KAZN: variants seen among roughly 807,000 people sequenced by gnomAD.
KAZN encodes the protein kazrin, periplakin interacting protein.
A neutral mutation model predicts 87.4 loss-of-function variants in KAZN; 40 were observed. That is an observed-to-expected ratio of 0.46 (90% CI 0.36 to 0.60). The LOEUF (loss-of-function observed/expected upper bound fraction) is 0.60. Among genes scored for constraint, KAZN ranks in the 20% least tolerant of loss-of-function variants. The pLI is 0.00. For synonymous variants in KAZN, 466 were observed against 458.3 expected, an observed-to-expected ratio of 1.02 and a Z score of -0.22; for missense variants, 898 against 1,073.9, an observed-to-expected ratio of 0.84 and a Z score of 2.29.
At chr1:13,964,671 C>T (rs575166572) in intron 1 of KAZN, among the ~76,000 whole-genome samples, 1 of 152,284 alleles carries the variant, frequency 6.6e-6, no homozygotes, top group East Asian at 1.9e-4. Context: ...CTTCTTGAGG[C>T]CTCTACTGGG....
intron 1 of KAZN, among the ~76,000 whole-genome samples, chr1:14,164,454 T>TTGTGTGTGTGTGTGTGTGTGTGTGTG (rs59816103): frequency 4.1e-5 from 6 of 144,734 alleles, no homozygotes; most frequent in African/African-American, 1.5e-4. Flanking sequence ...CACTATGGCT[T>TTGTGTGTGTGTGTGTGTGTGTGTGTG]TGTGTGTGTG....
intron 1 of KAZN, among the ~76,000 whole-genome samples, chr1:14,137,496 A>T (rs1159287094): frequency 6.6e-6 from 1 of 152,116 alleles, no homozygotes; most frequent in Non-Finnish European, 1.5e-5. Context: ...CACACTGCTT[A>T]GGCTCAAGTT....
At chr1:14,206,610 TTA>T (rs1399715289) in intron 2 of KAZN, among the ~76,000 whole-genome samples, 1 of 152,134 alleles carries the variant, frequency 6.6e-6, no homozygotes, top group Non-Finnish European at 1.5e-5. Context: ...ATAAAATCTT[TTA>T]GTTTTTATAA....
At chr1:14,654,061 G>A (rs975166721) in intron 1 of KAZN, among the ~76,000 whole-genome samples, 4 of 152,304 alleles carry the variant, frequency 2.6e-5, no homozygotes, top group South Asian at 2.1e-4. Context: ...CAAGGCGGGC[G>A]TATCGCCTGA....
intron 1 of KAZN, among the ~76,000 whole-genome samples, chr1:14,739,990 C>CA (rs1425388422): frequency 6.6e-6 from 1 of 152,108 alleles, no homozygotes; most frequent in Non-Finnish European, 1.5e-5. Context: ...ATTTGCTGAG[C>CA]AGTTGAGAAC....
intron 1 of KAZN, among the ~76,000 whole-genome samples, chr1:14,951,198 C>T (rs1329717833): frequency 6.6e-6 from 1 of 152,102 alleles, no homozygotes; most frequent in Non-Finnish European, 1.5e-5. Flanking sequence ...GTGCTATGCC[C>T]ACACAAGTAC....
intron 1 of KAZN, among the ~76,000 whole-genome samples, chr1:14,758,124 TTC>T (rs79800379): frequency 0.56 from 83,873 of 150,962 alleles, 24,307 homozygotes; most frequent in African/African-American, 0.68. Context: ...GTTTTGTTTT[TTC>T]TCTCTTTCCT....
At chr1:14,120,996 G>A (rs765744751) in intron 1 of KAZN, among the ~76,000 whole-genome samples, 4 of 152,180 alleles carry the variant, frequency 2.6e-5, no homozygotes, top group Non-Finnish European at 4.4e-5. Flanking sequence ...GCCTATGAAT[G>A]ATATCTAGTC....
intron 2 of KAZN, among the ~76,000 whole-genome samples, chr1:14,242,697 A>G (rs1358874346): frequency 1.3e-5 from 2 of 152,206 alleles, no homozygotes; most frequent in East Asian, 1.9e-4. Context: ...CTGACAAAGG[A>G]GGCACAAAGC....
chr1:14,230,211 C>G (rs1647682947), intron 2 of KAZN, among the ~76,000 whole-genome samples: 2 of 152,184 alleles, frequency 1.3e-5, no homozygotes, highest in South Asian at 4.1e-4. Context: ...CAAAACACAA[C>G]AAGACAAAGG....
At chr1:14,010,884 G>C (rs1298979480) in intron 1 of KAZN, among the ~76,000 whole-genome samples, 1 of 152,212 alleles carries the variant, frequency 6.6e-6, no homozygotes, top group East Asian at 1.9e-4. Context: ...CCATTCTTAA[G>C]AGTGTAACTC....
intron 1 of KAZN, among the ~76,000 whole-genome samples, chr1:14,034,074 T>A (rs1320526010): frequency 1.3e-5 from 2 of 152,216 alleles, no homozygotes; most frequent in African/African-American, 4.8e-5. Context: ...ACTGAGTTAT[T>A]ACCTATACTA....
At chr1:14,873,383 T>TG (rs1396481659) in intron 1 of KAZN, among the ~76,000 whole-genome samples, 1 of 151,850 alleles carries the variant, frequency 6.6e-6, no homozygotes, top group African/African-American at 2.4e-5. Context: ...GAAAATAAAG[T>TG]GGGGAAGAGG....
chr1:14,325,662 G>A (rs1656358366), intron 2 of KAZN, among the ~76,000 whole-genome samples: 1 of 152,152 alleles, frequency 6.6e-6, no homozygotes, highest in Non-Finnish European at 1.5e-5. Flanking sequence ...AATACCACAG[G>A]AGGATTTCAA....
chr1:14,296,586 C>T (rs901347561), intron 2 of KAZN, among the ~76,000 whole-genome samples: 3 of 148,940 alleles, frequency 2.0e-5, no homozygotes. Flanking sequence ...TATTTGAAAA[C>T]TACACTACTT....
chr1:13,908,773 G>T (rs984997740), intron 1 of KAZN, among the ~76,000 whole-genome samples: 1 of 152,166 alleles, frequency 6.6e-6, no homozygotes, highest in Non-Finnish European at 1.5e-5. Context: ...GAACAGGCCC[G>T]AGCTAGGATG....
At chr1:13,990,268 G>A (rs1487929605) in intron 1 of KAZN, among the ~76,000 whole-genome samples, 2 of 152,086 alleles carry the variant, frequency 1.3e-5, no homozygotes, top group Non-Finnish European at 2.9e-5. Context: ...AAACTAGAAA[G>A]AGCCCAGGAG....
At position 14,308,746 on chromosome 1, in the gene KAZN, C is replaced by T. The variant is rs142315843; in HGVS notation, c.249+128154C>T. 7.9e-5 allele frequency among the ~76,000 whole-genome samples: 12 copies of T among 151,936 alleles called. No homozygotes were observed. In the South Asian group the frequency reaches 1.0e-3, roughly 13 times the overall value. ...TTTCTGAGACCTGAATGAACTAATA[C>T]GCATAGACTAGAACCTCGTGCCTCA... On this transcript the variant is annotated intron_variant, in intron 2 of 16. Coordinates refer to the KAZN transcript ENST00000636203.
At chr1:14,850,373 G>A (rs1265974605) in intron 1 of KAZN, among the ~76,000 whole-genome samples, 1 of 152,168 alleles carries the variant, frequency 6.6e-6, no homozygotes, top group Non-Finnish European at 1.5e-5. Context: ...CCACATGTGA[G>A]GTTGGTCATC....
Sources: gnomAD v4.1 joint callset for allele counts (sites outside exome capture counted in the v4.1 genomes callset) on GRCh38, gnomAD v4.1.1 for gene constraint, MANE v1.5 for transcripts, NCBI Gene and HGNC (gene_info 2026-07-23, HGNC 2026-07-21) for gene names.